ADAM17: variants seen among roughly 807,000 people sequenced by gnomAD.
ADAM17 encodes the protein ADAM metallopeptidase domain 17, also known as disintegrin and metalloproteinase domain-containing protein 17.
In ADAM17, 39 loss-of-function variants were observed where a neutral mutation model predicts 96.7. That is an observed-to-expected ratio of 0.40 (90% confidence interval 0.31 to 0.53). ADAM17 has a LOEUF of 0.53. Among genes scored for constraint, ADAM17 ranks in the 20% least tolerant of loss-of-function variants. ADAM17 has a pLI of 0.44. For missense variants in ADAM17, 777 were observed against 1,013.2 expected (o/e 0.77, Z 3.17); for synonymous variants, 344 against 359.2 (o/e 0.96, Z 0.48).
At position 9,542,352 on chromosome 2, in the gene ADAM17, C is replaced by T. The variant is rs11694645; in HGVS notation, c.230+801G>A. ...CCCAGAAGTTCAAGATCAGCCTTGG[C>T]AACATGGCAAGACCCTGTTTTTAAA... On this transcript the variant is annotated intron_variant, in intron 2 of 18. Coordinates refer to ENST00000310823, the MANE Select transcript of ADAM17 (RefSeq NM_003183.6). Among the ~76,000 whole-genome samples, 829 of 152,176 alleles carry T rather than the reference C, an allele frequency of 5.4e-3. 9 individuals are homozygous for T. Among genetic ancestry groups the T allele is most frequent in the African/African-American group, 0.019 (777 of 41,516 alleles).
At chr2:9,517,397 T>C (rs565997311) in intron 10 of ADAM17, among the ~76,000 whole-genome samples, 1 of 152,190 alleles carries the variant, frequency 6.6e-6, no homozygotes, top group Non-Finnish European at 1.5e-5. Flanking sequence ...ACTAAGAATA[T>C]ACTCAGCCAA....
chr2:9,537,508 C>T (rs1417122589), intron 2 of ADAM17, among the ~76,000 whole-genome samples: 2 of 152,096 alleles, frequency 1.3e-5, no homozygotes, highest in African/African-American at 4.8e-5. Flanking sequence ...TTGAGCTGGG[C>T]GGATCACGAG....
In ADAM17 at chr2:9,489,251, G is replaced by A. The variant is rs1227210115; in HGVS notation, c.*926C>T. 1 of 133,412 alleles carries A rather than the reference G, an allele frequency of 7.5e-6. No homozygotes were observed. The highest frequency in any genetic ancestry group is 2.2e-4 in the South Asian group (1 of 4,576). The allele number at this position is 133,412 out of a possible 1,614,324, so 8.3% of individuals were successfully genotyped here. ...GTATTTTAAATATTCTAGGTTTGTA[G>A]ATAGTGAATTTTTTTTTTTTTTTTT... On this transcript the variant is annotated 3_prime_UTR_variant, in exon 19 of 19. Coordinates refer to ENST00000310823, the MANE Select transcript of ADAM17 (RefSeq NM_003183.6).
chr2:9,536,644 T>G, intron 3 of ADAM17, 54 bp downstream of exon 3: 1 of 1,601,468 alleles, frequency 6.2e-7, no homozygotes, highest in East Asian at 2.2e-5. Flanking sequence ...TCAAGTTAGA[T>G]TTGGAGACCT....
At position 9,489,564 on chromosome 2, in the gene ADAM17, A is replaced by G. The variant is rs1328804745; in HGVS notation, c.*613T>C. ...GTAGGTGGTTAGGTTTCTAGAGAGC[A>G]TTAGTCTTAGAATTATGAAGAGCCA... On this transcript the variant is annotated 3_prime_UTR_variant, in exon 19 of 19. Coordinates refer to ENST00000310823, the MANE Select transcript of ADAM17 (RefSeq NM_003183.6). The G allele has an allele frequency of 6.6e-6, 1 of 152,408 alleles. No individual in the cohort carries two copies. The highest frequency in any genetic ancestry group is 1.5e-5 in the Non-Finnish European group (1 of 68,004). 9.4% of individuals were successfully genotyped at this position (152,408 alleles called of 1,614,324 possible). A position where few individuals can be genotyped will look rare whatever the true frequency, so the allele number is the denominator to read the frequency against.
chr2:9,543,220 C>G lies in ADAM17; in HGVS notation c.163G>C (p.Val55Leu). The G allele has an allele frequency of 6.2e-7, 1 of 1,609,688 alleles. No individual in the cohort carries two copies. The highest frequency in any genetic ancestry group is 8.5e-7 in the Non-Finnish European group (1 of 1,177,790). The change falls in exon 2 of 19, where the codon GTA becomes CTA. Residue 55 changes from valine to leucine, a missense_variant. Coordinates refer to ENST00000310823, the MANE Select transcript of ADAM17 (RefSeq NM_003183.6). ...GAAGTCTGTAGATCTCTTTTTCTTA[C>G]CGAATGCTGCTGGATATTAGATAAA... ...LSLSNIQQHS[V>L]RKRDLQTSTH... is the part of the protein sequence containing the mutation.
chr2:9,536,873 TAA>T (rs773335794), intron 2 of ADAM17, 45 bp from the exon 3 acceptor site: 1 of 1,592,168 alleles, frequency 6.3e-7, no homozygotes, highest in South Asian at 1.1e-5. Flanking sequence ...ACACAAATTT[TAA>T]GTCTCATTTT....
At chr2:9,542,348 T>C (rs926755350) in intron 2 of ADAM17, among the ~76,000 whole-genome samples, 3 of 152,126 alleles carry the variant, frequency 2.0e-5, no homozygotes, top group Non-Finnish European at 4.4e-5. Flanking sequence ...AAGATCAGCC[T>C]TGGCAACATG....
chr2:9,500,152 T>TATCA (rs1662914740), intron 13 of ADAM17, among the ~76,000 whole-genome samples: 2 of 152,194 alleles, frequency 1.3e-5, no homozygotes, highest in Non-Finnish European at 2.9e-5. Context: ...CCCAAATGTC[T>TATCA]ATCAACCAAT....
intron 10 of ADAM17, 98 bp from the exon 11 acceptor site, chr2:9,510,229 CA>C: frequency 8.4e-7 from 1 of 1,193,416 alleles, no homozygotes; most frequent in Non-Finnish European, 1.2e-6. Flanking sequence ...GCCTTATAAT[CA>C]GATCAACAAG....
intron 10 of ADAM17, among the ~76,000 whole-genome samples, chr2:9,514,640 A>G (rs762898463): frequency 5.4e-4 from 80 of 147,844 alleles, no homozygotes; most frequent in East Asian, 1.4e-3. Context: ...TTGGGAGGCC[A>G]AGGCGGGCAG....
At chr2:9,551,057 A>G (rs1438256463) in intron 1 of ADAM17, among the ~76,000 whole-genome samples, 3 of 151,268 alleles carry the variant, frequency 2.0e-5, no homozygotes, top group East Asian at 3.9e-4. Flanking sequence ...CCTGGGTGAC[A>G]GTGAGACTCT....
chr2:9,539,208 C>T lies in ADAM17; in HGVS notation c.231-2380G>A, dbSNP rs535597341. On this transcript the variant is annotated intron_variant, in intron 2 of 18. Coordinates refer to ENST00000310823, the MANE Select transcript of ADAM17 (RefSeq NM_003183.6). Reference sequence around the variant, plus strand: ...CTGCAAGCTCCACCTCCTGGGTTCACGCCATTCCCCTGCCTCAGCCTCCCA... The same window carrying T: ...CTGCAAGCTCCACCTCCTGGGTTCATGCCATTCCCCTGCCTCAGCCTCCCA... 2.2e-4 allele frequency among the ~76,000 whole-genome samples: 34 copies of T among 151,758 alleles called. 2 individuals are homozygous for T. The South Asian group carries it at 4.4e-3, about 20-fold the overall frequency.
intron 12 of ADAM17, among the ~76,000 whole-genome samples, chr2:9,503,134 T>C (rs1572900111): frequency 8.5e-6 from 1 of 117,238 alleles, no homozygotes; most frequent in Non-Finnish European, 1.7e-5. Context: ...GGCGAGACTC[T>C]CTCAAAAAAA....
chr2:9,491,373 G>A (rs967148588), intron 17 of ADAM17, among the ~76,000 whole-genome samples: 10 of 152,178 alleles, frequency 6.6e-5, no homozygotes, highest in Admixed American at 4.6e-4. Flanking sequence ...ACATTTTGGC[G>A]TTAAGTACAG....
intron 12 of ADAM17, among the ~76,000 whole-genome samples, chr2:9,503,852 A>AAG (rs397745738): frequency 2.7e-5 from 4 of 150,260 alleles, no homozygotes; most frequent in African/African-American, 9.8e-5. Context: ...AAAAAAAAAA[A>AAG]GAAATAAAAG....
intron 10 of ADAM17, among the ~76,000 whole-genome samples, chr2:9,511,868 G>T (rs966408021): frequency 6.6e-6 from 1 of 152,048 alleles, no homozygotes; most frequent in African/African-American, 2.4e-5. Context: ...CTATTTGGGA[G>T]GCTGAGCCAG....
rs1046996161 is a variant in ADAM17 at position 9,489,648 on chromosome 2, T to C, written c.*529A>G. The C allele has an allele frequency of 4.7e-5, 7 of 148,000 alleles. No homozygotes were observed. Among genetic ancestry groups the C allele is most frequent in the African/African-American group, 1.5e-4 (6 of 39,602 alleles). The allele number at this position is 148,000 out of a possible 1,614,324, so 9.2% of individuals were successfully genotyped here. ...TATTTTCCCTGCTACATAAAAACTC[T>C]GGGTAATAACTAGAAATAGACCCAC... On this transcript the variant is annotated 3_prime_UTR_variant, in exon 19 of 19. Transcript: ENST00000310823.
rs1664342770 is a variant in ADAM17 at position 9,522,192 on chromosome 2, T to C, written c.844-876A>G. 4 of 375,974 alleles carry C rather than the reference T, an allele frequency of 1.1e-5. No individual in the cohort carries two copies. The Admixed American group carries it at 1.4e-4, about 13-fold the overall frequency. The allele number at this position is 375,974 out of a possible 1,614,324, so 23.3% of individuals were successfully genotyped here. A position where few individuals can be genotyped will look rare whatever the true frequency, so the allele number is the denominator to read the frequency against. ...TGAAGCAGCTTTACATGCATGAACA[T>C]GAAGTACTCTCCAACATACTGTGAA... On this transcript the variant is annotated intron_variant, in intron 7 of 18. Transcript: ENST00000310823.
Sources: gnomAD v4.1 joint callset for allele counts (sites outside exome capture counted in the v4.1 genomes callset) on GRCh38, gnomAD v4.1.1 for gene constraint, MANE v1.5 for transcripts, NCBI Gene and HGNC (gene_info 2026-07-23, HGNC 2026-07-21) for gene names.